Variants in PRELID2 observed in about 807,000 individuals in gnomAD.
The protein encoded by PRELID2 is PRELI domain containing 2.
In PRELID2, 25 loss-of-function variants were observed where a neutral mutation model predicts 28.4. The ratio of observed to expected loss-of-function variants is 0.88; its 90% CI spans 0.64 to 1.23. The LOEUF (loss-of-function observed/expected upper bound fraction) is 1.23, where lower values mean the gene tolerates loss of function less well. PRELID2 is among the 50% of genes most tolerant of loss of function. The pLI, the probability that PRELID2 is intolerant of heterozygous loss-of-function variation, is 0.00. For synonymous variants in PRELID2, 76 were observed against 71.6 expected (o/e 1.06, Z -0.31); for missense variants, 201 against 214.4 (o/e 0.94, Z 0.39).
At chr5:145,740,860 ATATT>A (rs1756680722) in intron 1 of PRELID2, among the ~76,000 whole-genome samples, 2 of 53,576 alleles carry the variant, frequency 3.7e-5, no homozygotes, top group Admixed American at 2.3e-4. Context: ...ATATGTACAT[ATATT>A]TATCGATAAA....
chr5:145,468,545 T>C (rs1178643644), downstream of PRELID2, among the ~76,000 whole-genome samples: 1 of 152,176 alleles, frequency 6.6e-6, no homozygotes, highest in Non-Finnish European at 1.5e-5. Flanking sequence ...AGTGTAAAAG[T>C]GTTTCCTATT....
the PRELID2 span, among the ~76,000 whole-genome samples, chr5:145,376,797 G>A: frequency 1.3e-5 from 2 of 151,870 alleles, no homozygotes; most frequent in Non-Finnish European, 2.9e-5. Context: ...TATTAGTCTA[G>A]CTAGCAGTCT....
At chr5:145,621,518 A>G (rs1753773867) in intron 1 of PRELID2, among the ~76,000 whole-genome samples, 1 of 152,230 alleles carries the variant, frequency 6.6e-6, no homozygotes, top group Admixed American at 6.5e-5. Context: ...CAACTGCTGA[A>G]TAGATAAATT....
At chr5:145,256,177 A>T in the PRELID2 span, among the ~76,000 whole-genome samples, 5 of 151,886 alleles carry the variant, frequency 3.3e-5, 1 homozygote, top group African/African-American at 1.2e-4. Flanking sequence ...GCTTCTAGAT[A>T]ATGTTCCCAT....
At chr5:145,334,975 C>G in the PRELID2 span, among the ~76,000 whole-genome samples, 1 of 151,806 alleles carries the variant, frequency 6.6e-6, no homozygotes, top group African/African-American at 2.4e-5. Context: ...GGGTTGGGGA[C>G]CTTTGAGGTA....
intron 1 of PRELID2, among the ~76,000 whole-genome samples, chr5:145,724,173 AC>A (rs1030163183): frequency 3.3e-5 from 5 of 152,104 alleles, no homozygotes; most frequent in Admixed American, 1.3e-4. Context: ...ACTCGCCTTA[AC>A]CAAGTGACCT....
chr5:145,727,959 AAG>A (rs957148933), intron 1 of PRELID2, among the ~76,000 whole-genome samples: 2 of 152,184 alleles, frequency 1.3e-5, no homozygotes, highest in African/African-American at 4.8e-5. Context: ...AGAGAAAAGA[AAG>A]AGCATTTTTA....
the PRELID2 span, among the ~76,000 whole-genome samples, chr5:145,262,574 T>C: frequency 6.6e-6 from 1 of 152,240 alleles, no homozygotes; most frequent in African/African-American, 2.4e-5. Flanking sequence ...AAGAATTATA[T>C]ATTGACTGAA....
At chr5:145,544,132 TG>T (rs767887522) in intron 1 of PRELID2, among the ~76,000 whole-genome samples, 2 of 151,996 alleles carry the variant, frequency 1.3e-5, no homozygotes, top group Non-Finnish European at 2.9e-5. Flanking sequence ...GTCACACAGT[TG>T]TAGGCTGTAG....
the PRELID2 span, among the ~76,000 whole-genome samples, chr5:145,411,118 T>G: frequency 0.41 from 62,510 of 151,918 alleles, 13,230 homozygotes; most frequent in Admixed American, 0.49. Flanking sequence ...TACCCGAGAT[T>G]GGGTAATTTA....
the PRELID2 span, among the ~76,000 whole-genome samples, chr5:145,245,413 AAGAG>A: frequency 8.3e-4 from 123 of 148,152 alleles, 1 homozygote; most frequent in South Asian, 3.0e-3. Flanking sequence ...AAGAAAGAGA[AAGAG>A]AGAGAGAGAG....
chr5:145,667,778 A>G (rs539625486), intron 1 of PRELID2, among the ~76,000 whole-genome samples: 1 of 152,082 alleles, frequency 6.6e-6, no homozygotes, highest in East Asian at 1.9e-4. Context: ...ATCAATATAA[A>G]CCCACTAGCA....
At position 145,622,233 on chromosome 5, in the gene PRELID2, G is replaced by T. The variant is rs77495442; in HGVS notation, n.70+142698C>A. On this transcript the variant is annotated intron_variant and non_coding_transcript_variant, in intron 1 of 2. Transcript: ENST00000510259. Reference sequence around the variant, plus strand: ...TTTTTTTTCAGGTGGTAAATAAAATGATCTAAACTTTAAGGTGGTAATAGT... The same window carrying T: ...TTTTTTTTCAGGTGGTAAATAAAATTATCTAAACTTTAAGGTGGTAATAGT... 7.9e-3 allele frequency among the ~76,000 whole-genome samples: 1,204 copies of T among 152,152 alleles called. 21 individuals are homozygous for T. The highest frequency in any genetic ancestry group is 0.028 in the African/African-American group (1,150 of 41,518).
the PRELID2 span, among the ~76,000 whole-genome samples, chr5:145,414,147 C>T: frequency 1.3e-5 from 2 of 152,132 alleles, no homozygotes; most frequent in Non-Finnish European, 2.9e-5. Context: ...TATACCATAT[C>T]CCTTCCTCCC....
chr5:145,260,864 G>C, the PRELID2 span, among the ~76,000 whole-genome samples: 1 of 152,184 alleles, frequency 6.6e-6, no homozygotes, highest in Middle Eastern at 3.2e-3. Flanking sequence ...TGGGACAGCT[G>C]AGGAACTGTG....
At chr5:145,254,174 G>T in the PRELID2 span, among the ~76,000 whole-genome samples, 12 of 151,946 alleles carry the variant, frequency 7.9e-5, no homozygotes, top group Non-Finnish European at 1.3e-4. Flanking sequence ...TGAATAATGA[G>T]GATTGACTAT....
At chr5:145,707,599 G>A (rs887792883) in intron 1 of PRELID2, among the ~76,000 whole-genome samples, 2 of 152,032 alleles carry the variant, frequency 1.3e-5, no homozygotes, top group East Asian at 1.9e-4. Flanking sequence ...TCTCCTCTCT[G>A]ATTCAACTGG....
chr5:145,391,336 C>A, the PRELID2 span, among the ~76,000 whole-genome samples: 1 of 152,146 alleles, frequency 6.6e-6, no homozygotes, highest in African/African-American at 2.4e-5. Flanking sequence ...CATGAAATTC[C>A]CCAAGGCTTG....
chr5:145,827,455 G>A (rs1191372551), intron 1 of PRELID2, among the ~76,000 whole-genome samples: 1 of 152,158 alleles, frequency 6.6e-6, no homozygotes, highest in Admixed American at 6.5e-5. Flanking sequence ...AAAGGGCAAC[G>A]AGCCAAGACA....
Sources: gnomAD v4.1 joint callset for allele counts (sites outside exome capture counted in the v4.1 genomes callset) on GRCh38, gnomAD v4.1.1 for gene constraint, MANE v1.5 for transcripts, NCBI Gene and HGNC (gene_info 2026-07-23, HGNC 2026-07-21) for gene names.